PIP4P2: variants seen among roughly 807,000 people sequenced by gnomAD.
PIP4P2 encodes the protein phosphatidylinositol-4,5-bisphosphate 4-phosphatase 2, also known as type 2 phosphatidylinositol 4,5-bisphosphate 4-phosphatase.
A neutral mutation model predicts 33.3 loss-of-function variants in PIP4P2; 19 were observed. That is an observed-to-expected ratio of 0.57 (90% CI 0.40 to 0.84). The LOEUF (loss-of-function observed/expected upper bound fraction) is 0.84, where lower values mean the gene tolerates loss of function less well. PIP4P2 is among the 40% of genes least tolerant of loss of function. The pLI, the probability that PIP4P2 is intolerant of heterozygous loss-of-function variation, is 0.00. For synonymous variants in PIP4P2, 110 were observed against 111.9 expected (o/e 0.98, Z 0.11); for missense variants, 270 against 324.7 (o/e 0.83, Z 1.29).
intron 2 of PIP4P2, among the ~76,000 whole-genome samples, chr8:91,020,500 AAAAAAT>A (rs1170012186): frequency 2.0e-5 from 3 of 152,222 alleles, no homozygotes; most frequent in Non-Finnish European, 1.5e-5. Context: ...TCTAAAGAGA[AAAAAAT>A]AAAACATCAA....
At chr8:91,003,253 T>C (rs1193014080) in intron 5 of PIP4P2, among the ~76,000 whole-genome samples, 1 of 152,128 alleles carries the variant, frequency 6.6e-6, no homozygotes, top group Non-Finnish European at 1.5e-5. Flanking sequence ...AGTAAATGAA[T>C]AGATAATTGC....
chr8:91,031,412 T>A (rs1453562124), intron 1 of PIP4P2, among the ~76,000 whole-genome samples: 1 of 152,206 alleles, frequency 6.6e-6, no homozygotes, highest in Non-Finnish European at 1.5e-5. Flanking sequence ...TAGCACTTAA[T>A]CTCTCAAACA....
chr8:91,033,048 C>A (rs1235786824), intron 1 of PIP4P2, among the ~76,000 whole-genome samples: 1 of 152,170 alleles, frequency 6.6e-6, no homozygotes, highest in Non-Finnish European at 1.5e-5. Context: ...GTTTTACATT[C>A]TTGAAGAGTC....
rs1586172234 is a variant in PIP4P2 at position 90,995,563 on chromosome 8, G to A, written c.*114C>T. ...TAAAAGACTCCCAAAGTCTTGAAAC[G>A]ATTATACATAAACCAGAATGGAATC... is the stretch of plus-strand genomic sequence containing the variant. On this transcript the variant is annotated 3_prime_UTR_variant, in exon 7 of 7. Transcript: ENST00000285419. 10 of 1,306,578 alleles carry A rather than the reference G, an allele frequency of 7.7e-6. No homozygotes were observed. Among genetic ancestry groups the A allele is most frequent in the Non-Finnish European group, 1.0e-5 (10 of 990,790 alleles). The allele number at this position is 1,306,578 out of a possible 1,614,324, so 80.9% of individuals were successfully genotyped here.
At chr8:90,995,848 A>G (rs1811622142) in intron 6 of PIP4P2, 28 bp from the exon 7 acceptor site, 4 of 1,577,422 alleles carry the variant, frequency 2.5e-6, no homozygotes, top group Non-Finnish European at 3.4e-6. Context: ...ATAAAAACAA[A>G]ATATTAGAAA....
Position 91,037,185 on chromosome 8 carries a change from T to C in PIP4P2, c.106+3459A>G, listed in dbSNP as rs1812242332. ...GGAGGAAACTGAATATCAGAAGACA[T>C]AGTTCTTTGAAGGGGAAAGAGAGTC... On this transcript the variant is annotated intron_variant, in intron 1 of 6. Transcript: ENST00000285419. Among the ~76,000 whole-genome samples, 4 of 152,202 alleles carry C rather than the reference T, an allele frequency of 2.6e-5. No individual in the cohort carries two copies. In the South Asian group the frequency reaches 6.2e-4, roughly 24 times the overall value.
chr8:91,024,224 C>G (rs192424233), intron 1 of PIP4P2: 5 of 356,338 alleles, frequency 1.4e-5, no homozygotes, highest in Non-Finnish European at 2.8e-5. Context: ...ATTACTTCAG[C>G]CTTAAACTGA....
Position 91,040,718 on chromosome 8 carries a change from G to A in PIP4P2, c.32C>T (p.Pro11Leu). 2 of 1,612,888 alleles carry A rather than the reference G, an allele frequency of 1.2e-6. No individual in the cohort carries two copies. Among genetic ancestry groups the A allele is most frequent in the Admixed American group, 1.7e-5 (1 of 60,026 alleles). Residue 11 changes from proline to leucine, a missense_variant, in exon 1 of 7, where the codon CCT (proline) becomes CTT (leucine). Physicochemically the swap from Pro to Leu is moderately conservative, Grantham distance 98. Coordinates refer to ENST00000285419, the MANE Select transcript of PIP4P2 (RefSeq NM_018710.3). MAADGVDERS[P>L]LLSASHSGNV... ...TCCGGAGTGGGATGCTGACAGCAGA[G>A]GCGAGCGTTCGTCCACCCCATCAGC... is the stretch of plus-strand genomic sequence containing the variant.
At chr8:91,022,003 A>C (rs1812017251) in intron 1 of PIP4P2, among the ~76,000 whole-genome samples, 1 of 152,154 alleles carries the variant, frequency 6.6e-6, no homozygotes, top group Non-Finnish European at 1.5e-5. Flanking sequence ...AATTTCAGAC[A>C]CAAAACAAAA....
At chr8:90,998,728 T>G (rs1465444148) in intron 5 of PIP4P2, among the ~76,000 whole-genome samples, 1 of 152,086 alleles carries the variant, frequency 6.6e-6, no homozygotes, top group Non-Finnish European at 1.5e-5. Flanking sequence ...ACATTGAAAC[T>G]GGACTCCTTC....
chr8:91,040,781 G>A lies in PIP4P2; in HGVS notation c.-32C>T, dbSNP rs369419485. 11 of 1,601,018 alleles carry A rather than the reference G, an allele frequency of 6.9e-6. No individual in the cohort carries two copies. Among genetic ancestry groups the A allele is most frequent in the African/African-American group, 4.0e-5 (3 of 74,580 alleles). On this transcript the variant is annotated 5_prime_UTR_variant, in exon 1 of 7. Coordinates refer to ENST00000285419, the MANE Select transcript of PIP4P2 (RefSeq NM_018710.3). ...GGCAGCGGCGGGGCCTGGGGAGGCC[G>A]AGCCGGGGTTGCGGCCTCGGCGGAG...
In PIP4P2 at chr8:90,994,945, T is replaced by C. The variant is rs149347230; in HGVS notation, c.*732A>G. 6.6e-6 allele frequency: 1 copy of C among 152,242 alleles called. No individual in the cohort carries two copies. The highest frequency in any genetic ancestry group is 1.5e-5 in the Non-Finnish European group (1 of 67,940). 9.4% of individuals were successfully genotyped at this position (152,242 alleles called of 1,614,324 possible). On this transcript the variant is annotated 3_prime_UTR_variant, in exon 7 of 7. Coordinates refer to ENST00000285419, the MANE Select transcript of PIP4P2 (RefSeq NM_018710.3). The stretch of plus-strand genomic sequence containing the variant: ...TCCATAATCCAGACCAGATCTTTTA[T>C]AAATGGTAAATAAAAAGGCAAAAAT...
chr8:91,008,642 C>A, intron 5 of PIP4P2, 101 bp downstream of exon 5: 5 of 1,081,942 alleles, frequency 4.6e-6, no homozygotes, highest in Non-Finnish European at 7.0e-6. Context: ...ATTCACTCCA[C>A]AGCATGTTTT....
At chr8:91,003,956 T>C (rs559094343) in intron 5 of PIP4P2, among the ~76,000 whole-genome samples, 2 of 110,788 alleles carry the variant, frequency 1.8e-5, no homozygotes, top group Admixed American at 8.8e-5. Context: ...AGGAGATAGA[T>C]AGATAGATAG....
intron 2 of PIP4P2, 45 bp downstream of exon 2, chr8:91,021,211 G>A (rs757240661): frequency 2.5e-6 from 4 of 1,604,176 alleles, no homozygotes; most frequent in Non-Finnish European, 3.4e-6. Flanking sequence ...GGAATAAAAT[G>A]TCAAATAACA....
rs764284578 is a variant in PIP4P2, at chr8:91,021,335, C to T, written c.176G>A (p.Arg59His). Residue 59 changes from arginine to histidine, a missense_variant, in exon 2 of 7, where the codon CGT (arginine) becomes CAT (histidine). Physicochemically the swap from Arg to His is conservative, Grantham distance 29. Coordinates refer to ENST00000285419, the MANE Select transcript of PIP4P2 (RefSeq NM_018710.3). Reference sequence around the variant, plus strand: ...CAAATTGATTAGTGATTGGCACACACGGCAGTTTATTACTGGAATACCACT... The same window carrying T: ...CAAATTGATTAGTGATTGGCACACATGGCAGTTTATTACTGGAATACCACT... Reference protein sequence around the residue: ...DASGIPVINCRVCQSLINLDG... With the variant: ...DASGIPVINCHVCQSLINLDG... 19 of 1,613,708 alleles carry T rather than the reference C, an allele frequency of 1.2e-5. No individual in the cohort carries two copies. The highest frequency in any genetic ancestry group is 1.4e-5 in the Non-Finnish European group (17 of 1,179,840).
intron 5 of PIP4P2, among the ~76,000 whole-genome samples, chr8:91,004,083 AG>A (rs1400004158): frequency 6.6e-6 from 1 of 152,156 alleles, no homozygotes; most frequent in Non-Finnish European, 1.5e-5. Context: ...GTCTTGCAAC[AG>A]GGGATCTGTA....
intron 1 of PIP4P2, among the ~76,000 whole-genome samples, chr8:91,034,092 A>G (rs552092216): frequency 2.4e-4 from 37 of 152,242 alleles, no homozygotes; most frequent in Middle Eastern, 6.8e-3. Context: ...CTGGACGCTC[A>G]TCTCAAACAT....
chr8:91,026,931 T>C (rs1812090013), intron 1 of PIP4P2, among the ~76,000 whole-genome samples: 1 of 152,182 alleles, frequency 6.6e-6, no homozygotes, highest in African/African-American at 2.4e-5. Flanking sequence ...ATAATTATTA[T>C]ATGGACTATG....
Sources: gnomAD v4.1 joint callset for allele counts (sites outside exome capture counted in the v4.1 genomes callset) on GRCh38, gnomAD v4.1.1 for gene constraint, MANE v1.5 for transcripts, NCBI Gene and HGNC (gene_info 2026-07-23, HGNC 2026-07-21) for gene names.